Variants in SIK2 observed in about 807,000 individuals in gnomAD.
SIK2 encodes the protein serine/threonine-protein kinase SIK2.
SIK2 carries 29 observed loss-of-function variants against 103.2 expected under a neutral mutation model. That is an observed-to-expected ratio of 0.28 (90% CI 0.21 to 0.38). The LOEUF (loss-of-function observed/expected upper bound fraction) is 0.38. SIK2 is among the 10% of genes least tolerant of loss of function. SIK2 has a pLI of 1.00. For synonymous variants in SIK2, 412 were observed against 446.1 expected, an observed-to-expected ratio of 0.92 and a Z score of 0.96; for missense variants, 879 against 1,171.0, an observed-to-expected ratio of 0.75 and a Z score of 3.64.
chr11:111,694,161 C>T (rs770803283), intron 4 of SIK2, among the ~76,000 whole-genome samples: 2 of 152,104 alleles, frequency 1.3e-5, no homozygotes, highest in Non-Finnish European at 2.9e-5. Flanking sequence ...TATTTGTATT[C>T]AATGTATAAT....
At chr11:111,621,341 A>G (rs1328088106) in intron 3 of SIK2, among the ~76,000 whole-genome samples, 1 of 152,212 alleles carries the variant, frequency 6.6e-6, no homozygotes, top group Non-Finnish European at 1.5e-5. Context: ...AAATGTAATC[A>G]TACAGGATAT....
At chr11:111,698,961 C>T (rs1193394085) in intron 4 of SIK2, among the ~76,000 whole-genome samples, 4 of 152,060 alleles carry the variant, frequency 2.6e-5, no homozygotes, top group East Asian at 1.9e-4. Flanking sequence ...ATCTAGTTTT[C>T]GACTCATGGG....
intron 3 of SIK2, among the ~76,000 whole-genome samples, chr11:111,638,845 C>G (rs1465826291): frequency 1.3e-5 from 2 of 151,946 alleles, no homozygotes; most frequent in Non-Finnish European, 2.9e-5. Context: ...TTTCCTGCTT[C>G]TTGGTATGTT....
chr11:111,708,593 G>T (rs1184735333), intron 8 of SIK2, among the ~76,000 whole-genome samples: 1 of 151,704 alleles, frequency 6.6e-6, no homozygotes, highest in Admixed American at 6.6e-5. Context: ...TTTGGGGGAG[G>T]TTTTGTTTTT....
At chr11:111,706,735 G>A (rs968511572) in intron 8 of SIK2, among the ~76,000 whole-genome samples, 7 of 152,142 alleles carry the variant, frequency 4.6e-5, no homozygotes, top group African/African-American at 1.4e-4. Context: ...GCTGAGGTGG[G>A]TGGATCACAA....
rs554533474 is a variant in SIK2, at chr11:111,616,385, C to T, written c.252+26C>T. 1.8e-5 allele frequency: 21 copies of T among 1,185,552 alleles called. No homozygotes were observed. The Admixed American group carries it at 2.8e-4, about 16-fold the overall frequency. The allele number at this position is 1,185,552 out of a possible 1,614,324, so 73.4% of individuals were successfully genotyped here. The stretch of plus-strand genomic sequence containing the variant: ...GTATGACTCAGCCTAACACTATCTC[C>T]ATTCATTCCACAAGATAGTTCTCTA... On this transcript the variant is annotated intron_variant, in intron 2 of 14. Transcript: ENST00000304987.
At chr11:111,694,734 G>A (rs940097243) in intron 4 of SIK2, among the ~76,000 whole-genome samples, 6 of 152,150 alleles carry the variant, frequency 3.9e-5, no homozygotes, top group African/African-American at 1.4e-4. Flanking sequence ...GTATCCTTAA[G>A]TCCTACTTAG....
rs139683797 is a variant in SIK2 at position 111,664,341 on chromosome 11, G to A, written c.317-23660G>A. On this transcript the variant is annotated intron_variant, in intron 3 of 14. Transcript: ENST00000304987. ...AGCATGAAATAAGAACCAGGTATTC[G>A]GCCAGGCACGGTGGCTCACACCTGT... 1.6e-3 allele frequency among the ~76,000 whole-genome samples: 245 copies of A among 152,178 alleles called. 2 individuals are homozygous for A. Among genetic ancestry groups the A allele is most frequent in the African/African-American group, 5.3e-3 (222 of 41,504 alleles).
At chr11:111,684,101 C>T (rs1386345486) in intron 3 of SIK2, among the ~76,000 whole-genome samples, 1 of 152,192 alleles carries the variant, frequency 6.6e-6, no homozygotes, top group East Asian at 1.9e-4. Flanking sequence ...TGTGAGATTA[C>T]ATTTACTGAT....
chr11:111,617,440 T>C (rs1029874783), intron 2 of SIK2, among the ~76,000 whole-genome samples: 5 of 152,328 alleles, frequency 3.3e-5, no homozygotes, highest in Non-Finnish European at 7.4e-5. Flanking sequence ...CAGAGTGTGA[T>C]GTGTATGCCC....
intron 3 of SIK2, among the ~76,000 whole-genome samples, chr11:111,658,095 TTTA>T (rs1255381067): frequency 7.4e-3 from 37 of 5,020 alleles, no homozygotes; most frequent in Non-Finnish European, 9.0e-3. Flanking sequence ...TTTTATTTTA[TTTA>T]TTTATTTATT....
At chr11:111,713,769 C>T (rs1943564916) in intron 9 of SIK2, among the ~76,000 whole-genome samples, 1 of 152,138 alleles carries the variant, frequency 6.6e-6, no homozygotes, top group African/African-American at 2.4e-5. Context: ...GAGTTCAAGA[C>T]CAGCGTGGCC....
chr11:111,642,071 C>A (rs1453235122), intron 3 of SIK2, among the ~76,000 whole-genome samples: 1 of 152,156 alleles, frequency 6.6e-6, no homozygotes, highest in Non-Finnish European at 1.5e-5. Context: ...CCATGTTTTC[C>A]TACACTTTTG....
intron 3 of SIK2, among the ~76,000 whole-genome samples, chr11:111,670,247 A>G (rs1039633980): frequency 1.3e-5 from 2 of 152,128 alleles, no homozygotes; most frequent in African/African-American, 4.8e-5. Flanking sequence ...GGGGATGTCC[A>G]TATTTGATAA....
chr11:111,606,954 A>C (rs1363812984), intron 1 of SIK2, among the ~76,000 whole-genome samples: 2 of 99,516 alleles, frequency 2.0e-5, no homozygotes, highest in African/African-American at 5.5e-5. Flanking sequence ...TCTCATTAAA[A>C]AGAAAAAAAA....
chr11:111,723,894 G>C lies in SIK2; in HGVS notation c.2546G>C (p.Cys849Ser). The change falls in exon 15 of 15, where the codon TGT (cysteine) becomes TCT (serine). Residue 849 changes from cysteine (C) to serine (S), a missense_variant. By Grantham distance (112) the Cys-to-Ser change is moderately radical. This residue lies in a region of SIK2 where 375 missense variants were observed against 416.3 expected (regional missense o/e 0.90). Transcript: ENST00000304987. ...PAPLQFSYQT[C>S]ELPSAASPAP... is the part of the protein sequence containing the mutation. ...CCCTTACAGTTCTCCTATCAGACTT[G>C]TGAGCTGCCAAGCGCTGCTTCCCCT... The C allele has an allele frequency of 6.2e-7, 1 of 1,608,732 alleles. No homozygotes were observed. Among genetic ancestry groups the C allele is most frequent in the Non-Finnish European group, 8.5e-7 (1 of 1,177,392 alleles).
intron 3 of SIK2, among the ~76,000 whole-genome samples, chr11:111,678,466 C>T (rs1341412422): frequency 6.6e-6 from 1 of 152,136 alleles, no homozygotes; most frequent in Admixed American, 6.6e-5. Flanking sequence ...AAGCACTGTG[C>T]TTTGAGATTG....
chr11:111,726,943 TTC>T lies in SIK2; in HGVS notation c.*2816_*2817del, dbSNP rs145597836. The T allele has an allele frequency of 8.2e-3, 13,124 of 1,609,196 alleles. 69 individuals are homozygous for T. The highest frequency in any genetic ancestry group is 0.025 in the Middle Eastern group (149 of 6,048). Reference sequence around the variant, plus strand: ...TATGTGTGGTACTTTATTTTTTATGTTCTTTTTTTAAATCTGGGGTATTAGTC... The same window carrying T: ...TATGTGTGGTACTTTATTTTTTATGTTTTTTTTAAATCTGGGGTATTAGTC... On this transcript the variant is annotated 3_prime_UTR_variant, in exon 15 of 15. Transcript: ENST00000304987.
At position 111,635,526 on chromosome 11, in the gene SIK2, TC is replaced by T. The variant is rs1376868159; in HGVS notation, c.316+15125del. Among the ~76,000 whole-genome samples the T allele has an allele frequency of 1.5e-4, 23 of 151,360 alleles. 1 individual carries two copies. The highest frequency in any genetic ancestry group is 5.6e-4 in the African/African-American group (23 of 41,212). On this transcript the variant is annotated intron_variant, in intron 3 of 14. Transcript: ENST00000304987. ...GGGAAATGAGTAACTTGACCACTGCTCTAGTGGAGTTCACAGTCAACTTTCT... is the reference window on the plus strand; with the variant it reads ...GGGAAATGAGTAACTTGACCACTGCTTAGTGGAGTTCACAGTCAACTTTCT...
Sources: gnomAD v4.1 joint callset for allele counts (sites outside exome capture counted in the v4.1 genomes callset) on GRCh38, gnomAD v4.1.1 for gene constraint, gnomAD v4.1.1 regional missense constraint, MANE v1.5 for transcripts, NCBI Gene and HGNC (gene_info 2026-07-23, HGNC 2026-07-21) for gene names.